The following FGGY variants were observed in gnomAD, a reference collection of about 807,000 sequenced individuals.
FGGY encodes the protein FGGY carbohydrate kinase domain-containing protein.
FGGY carries 72 observed loss-of-function variants against 71.3 expected under a neutral mutation model. The ratio of observed to expected loss-of-function variants is 1.01; its 90% CI spans 0.84 to 1.23. FGGY has a LOEUF of 1.23. Ranked by LOEUF, FGGY falls within the 50% of genes most tolerant of loss-of-function variation. FGGY has a pLI of 0.00. For synonymous variants in FGGY, 251 were observed against 250.3 expected (o/e 1.00, Z -0.02); for missense variants, 668 against 682.3 (o/e 0.98, Z 0.23).
intron 8 of FGGY, among the ~76,000 whole-genome samples, chr1:59,569,921 C>CGA (rs1384594826): frequency 6.6e-6 from 1 of 152,154 alleles, no homozygotes; most frequent in Non-Finnish European, 1.5e-5. Flanking sequence ...CCACTGCAAT[C>CGA]TTGCAATCCT....
intron 7 of FGGY, among the ~76,000 whole-genome samples, chr1:59,546,164 A>G (rs2095516231): frequency 6.6e-6 from 1 of 152,190 alleles, no homozygotes; most frequent in South Asian, 2.1e-4. Flanking sequence ...TGTCCCAGAC[A>G]TTGTTCCCCT....
chr1:59,349,027 CTG>C (rs373420125), intron 4 of FGGY, among the ~76,000 whole-genome samples: 75 of 152,254 alleles, frequency 4.9e-4, no homozygotes, highest in African/African-American at 1.8e-3. Flanking sequence ...GAATATAGAA[CTG>C]TTCTGCGCTG....
chr1:59,344,114 T>C (rs56026692), intron 3 of FGGY, among the ~76,000 whole-genome samples: 1 of 152,098 alleles, frequency 6.6e-6, no homozygotes, highest in Admixed American at 6.6e-5. Context: ...AGAGGAACAA[T>C]TCTGTTTACA....
At chr1:59,332,375 A>C (rs137902168) in intron 2 of FGGY, among the ~76,000 whole-genome samples, 2,123 of 152,306 alleles carry the variant, frequency 0.014, 24 homozygotes, top group Non-Finnish European at 0.024. Context: ...TTCTTCCATT[A>C]ATAAGAATAT....
intron 14 of FGGY, among the ~76,000 whole-genome samples, chr1:59,676,522 A>C (rs890674784): frequency 2.7e-4 from 41 of 151,476 alleles, no homozygotes; most frequent in African/African-American, 1.0e-3. Flanking sequence ...TCATGGCTTC[A>C]TTGATATCTT....
chr1:59,346,489 C>T (rs1327951680), intron 4 of FGGY, 91 bp downstream of exon 4: 42 of 1,440,284 alleles, frequency 2.9e-5, no homozygotes, highest in Non-Finnish European at 3.6e-5. Context: ...CTGCTAAAAT[C>T]GGTTATGTTT....
chr1:59,726,564 T>C (rs1477692391), intron 14 of FGGY, among the ~76,000 whole-genome samples: 1 of 152,156 alleles, frequency 6.6e-6, no homozygotes, highest in Non-Finnish European at 1.5e-5. Context: ...CCTGGCACTT[T>C]GGTTTTTGGA....
chr1:59,302,697 AAG>A (rs2042951163), intron 1 of FGGY, among the ~76,000 whole-genome samples: 1 of 151,992 alleles, frequency 6.6e-6, no homozygotes, highest in Non-Finnish European at 1.5e-5. Context: ...GGTAGGAGGA[AAG>A]AGGATTAGAA....
chr1:59,414,715 C>T (rs779845292), intron 5 of FGGY, among the ~76,000 whole-genome samples: 8 of 152,280 alleles, frequency 5.3e-5, no homozygotes, highest in South Asian at 2.1e-4. Context: ...AGAGGGGCTA[C>T]GAGCAGGCCC....
intron 8 of FGGY, among the ~76,000 whole-genome samples, chr1:59,607,289 A>G (rs1302027826): frequency 4.6e-5 from 7 of 152,222 alleles, no homozygotes; most frequent in Admixed American, 4.6e-4. Flanking sequence ...CTTGTAGGGC[A>G]TGGTCTTGTG....
At chr1:59,440,996 C>T (rs887692855) in intron 5 of FGGY, among the ~76,000 whole-genome samples, 10 of 151,974 alleles carry the variant, frequency 6.6e-5, no homozygotes, top group African/African-American at 1.9e-4. Context: ...GGACGTTTTG[C>T]GTTTTTCTCT....
intron 14 of FGGY, among the ~76,000 whole-genome samples, chr1:59,711,951 A>C (rs2097797383): frequency 6.6e-6 from 1 of 152,014 alleles, no homozygotes; most frequent in East Asian, 1.9e-4. Context: ...CAATCCCCCA[A>C]AGTCTGAACT....
chr1:59,387,561 T>A, intron 5 of FGGY, among the ~76,000 whole-genome samples: 1 of 152,182 alleles, frequency 6.6e-6, no homozygotes, highest in Non-Finnish European at 1.5e-5. Context: ...GTTCAGTGTT[T>A]TCTTCAATTT....
At chr1:59,463,814 A>T (rs1259873460) in intron 6 of FGGY, among the ~76,000 whole-genome samples, 2 of 152,228 alleles carry the variant, frequency 1.3e-5, no homozygotes, top group Admixed American at 6.5e-5. Context: ...AGAAGAGCTA[A>T]CTATCCTAAA....
chr1:59,463,905 C>T (rs762036303), intron 6 of FGGY, among the ~76,000 whole-genome samples: 20 of 152,172 alleles, frequency 1.3e-4, no homozygotes, highest in African/African-American at 4.8e-4. Context: ...GACTCCCACA[C>T]AATAATAATG....
At chr1:59,611,009 G>A (rs760336790) in intron 9 of FGGY, among the ~76,000 whole-genome samples, 2 of 152,208 alleles carry the variant, frequency 1.3e-5, no homozygotes, top group African/African-American at 4.8e-5. Flanking sequence ...AAACAAAGTG[G>A]CCTGGAAGCT....
chr1:59,569,400 G>A (rs2095940000), intron 8 of FGGY, among the ~76,000 whole-genome samples: 2 of 152,128 alleles, frequency 1.3e-5, no homozygotes, highest in African/African-American at 4.8e-5. Flanking sequence ...TGGAATTGAG[G>A]TCAAAGAGAT....
intron 8 of FGGY, among the ~76,000 whole-genome samples, chr1:59,568,079 A>G (rs559459596): frequency 4.6e-5 from 7 of 152,242 alleles, no homozygotes; most frequent in African/African-American, 1.7e-4. Flanking sequence ...AATGCATAAC[A>G]CTGCCAGTGA....
At chr1:59,487,172 A>G (rs1053243979) in intron 6 of FGGY, among the ~76,000 whole-genome samples, 1 of 152,188 alleles carries the variant, frequency 6.6e-6, no homozygotes, top group African/African-American at 2.4e-5. Flanking sequence ...AACCCAGGGA[A>G]GAGCTGATTT....
Sources: gnomAD v4.1 joint callset for allele counts (sites outside exome capture counted in the v4.1 genomes callset) on GRCh38, gnomAD v4.1.1 for gene constraint, MANE v1.5 for transcripts, NCBI Gene and HGNC (gene_info 2026-07-23, HGNC 2026-07-21) for gene names.